Variants in TMEM131 observed in about 807,000 individuals in gnomAD.
The protein encoded by TMEM131 is transmembrane protein 131.
A neutral mutation model predicts 211.6 loss-of-function variants in TMEM131; 66 were observed. The ratio of observed to expected loss-of-function variants is 0.31; its 90% CI spans 0.26 to 0.38. The LOEUF (loss-of-function observed/expected upper bound fraction) is 0.38, where lower values mean the gene tolerates loss of function less well. TMEM131 is among the 10% of genes least tolerant of loss of function. TMEM131 has a pLI of 1.00. For missense variants in TMEM131, 2,036 were observed against 2,299.3 expected (o/e 0.89, Z 2.34); for synonymous variants, 844 against 841.3 (o/e 1.00, Z -0.06).
At chr2:97,954,775 C>T (rs1034823565) in intron 1 of TMEM131, among the ~76,000 whole-genome samples, 39 of 121,854 alleles carry the variant, frequency 3.2e-4, no homozygotes, top group Admixed American at 1.6e-3. Context: ...CATTGCACTT[C>T]AGCCTGGGAG....
At chr2:97,807,081 A>G (rs1452260544) in intron 19 of TMEM131, among the ~76,000 whole-genome samples, 2 of 152,222 alleles carry the variant, frequency 1.3e-5, no homozygotes, top group African/African-American at 4.8e-5. Context: ...TTAAGCTATG[A>G]GTTACATGAA....
intron 13 of TMEM131, 94 bp downstream of exon 13, chr2:97,815,105 G>T: frequency 1.7e-6 from 1 of 596,406 alleles, no homozygotes; most frequent in Non-Finnish European, 2.6e-6. Flanking sequence ...AAGTTTATGT[G>T]AACGTGGCTA....
intron 1 of TMEM131, among the ~76,000 whole-genome samples, chr2:97,941,418 C>T (rs371541498): frequency 3.3e-5 from 5 of 152,174 alleles, no homozygotes; most frequent in Admixed American, 1.3e-4. Flanking sequence ...GCATGGGCAA[C>T]GACTTCATGA....
chr2:97,983,878 A>C (rs1393939123), intron 1 of TMEM131, among the ~76,000 whole-genome samples: 1 of 152,246 alleles, frequency 6.6e-6, no homozygotes, highest in Non-Finnish European at 1.5e-5. Context: ...CTCAAACCAT[A>C]ACTGTGGCAG....
At chr2:97,858,079 A>T (rs534528692) in intron 5 of TMEM131, among the ~76,000 whole-genome samples, 1 of 152,312 alleles carries the variant, frequency 6.6e-6, no homozygotes, top group East Asian at 1.9e-4. Context: ...TTTTAATTTT[A>T]CTCTAAAGTA....
At chr2:97,881,690 T>C (rs557194922) in intron 4 of TMEM131, among the ~76,000 whole-genome samples, 1 of 104,146 alleles carries the variant, frequency 9.6e-6, no homozygotes, top group East Asian at 3.1e-4. Flanking sequence ...GTGCCAGGCC[T>C]AAAGGCTGGA....
chr2:97,811,280 T>C, intron 17 of TMEM131, 48 bp from the exon 18 acceptor site: 2 of 1,446,826 alleles, frequency 1.4e-6, no homozygotes, highest in Non-Finnish European at 1.9e-6. Context: ...TTAGTTGAAG[T>C]TTCCTATTAA....
At position 97,762,258 on chromosome 2, in the gene TMEM131, A is replaced by C. The variant is rs1678893564; in HGVS notation, c.4724-58T>G. The C allele has an allele frequency of 6.5e-6, 10 of 1,536,078 alleles. No homozygotes were observed. The South Asian group carries it at 1.1e-4, about 18-fold the overall frequency. Reference sequence around the variant, plus strand: ...TGGTGTTTTGATTAGCGCTCTTCCAAATCACTTTGAATGTTCTCTAAGACT... The same window carrying C: ...TGGTGTTTTGATTAGCGCTCTTCCACATCACTTTGAATGTTCTCTAAGACT... On this transcript the variant is annotated intron_variant, in intron 35 of 40. Transcript: ENST00000186436.
chr2:97,887,645 T>C (rs1163419145), intron 4 of TMEM131: 1 of 156,116 alleles, frequency 6.4e-6, no homozygotes, highest in Admixed American at 6.4e-5. Context: ...TATGGGTTGG[T>C]GATAATACTA....
intron 3 of TMEM131, among the ~76,000 whole-genome samples, chr2:97,888,635 G>A (rs1675257251): frequency 6.6e-6 from 1 of 152,204 alleles, no homozygotes; most frequent in South Asian, 2.1e-4. Context: ...GATCTCTGAT[G>A]TCCTGGCCTC....
intron 6 of TMEM131, among the ~76,000 whole-genome samples, chr2:97,843,260 A>C (rs1345413143): frequency 6.6e-6 from 1 of 152,116 alleles, no homozygotes; most frequent in East Asian, 1.9e-4. Context: ...TTCAAGAATA[A>C]CTGTACCTAT....
intron 2 of TMEM131, chr2:97,911,501 A>T: frequency 3.7e-6 from 1 of 269,964 alleles, no homozygotes; most frequent in Non-Finnish European, 5.7e-6. Flanking sequence ...CTATGGTCTC[A>T]CATGAAGTCT....
chr2:97,759,576 G>A, intron 39 of TMEM131, 76 bp downstream of exon 39: 1 of 1,281,306 alleles, frequency 7.8e-7, no homozygotes, highest in Non-Finnish European at 1.1e-6. Context: ...GTGTTCTCCA[G>A]CACACAAAAC....
intron 25 of TMEM131, among the ~76,000 whole-genome samples, chr2:97,798,986 A>G (rs1486447950): frequency 1.3e-5 from 2 of 152,224 alleles, no homozygotes; most frequent in Admixed American, 1.3e-4. Context: ...TGCCTCCCGT[A>G]TACCATTCAG....
intron 1 of TMEM131, among the ~76,000 whole-genome samples, chr2:97,943,067 AAGAAAGAAAG>A (rs1677863771): frequency 1.4e-5 from 2 of 138,216 alleles, no homozygotes. Flanking sequence ...GAAAGAAAGA[AAGAAAGAAAG>A]AAAGAAAGAA....
At chr2:97,832,848 G>A (rs1270008283) in intron 11 of TMEM131, among the ~76,000 whole-genome samples, 1 of 152,120 alleles carries the variant, frequency 6.6e-6, no homozygotes, top group Non-Finnish European at 1.5e-5. Flanking sequence ...ATGTGTGAGG[G>A]AGAGAGGGCC....
intron 1 of TMEM131, among the ~76,000 whole-genome samples, chr2:97,985,963 A>G (rs1573655893): frequency 1.3e-5 from 2 of 151,760 alleles, no homozygotes; most frequent in South Asian, 2.1e-4. Flanking sequence ...AAAAAAAGAG[A>G]GTTGCCTGAC....
At chr2:97,953,021 G>A (rs919933890) in intron 1 of TMEM131, among the ~76,000 whole-genome samples, 62 of 152,140 alleles carry the variant, frequency 4.1e-4, no homozygotes, top group Admixed American at 1.0e-3. Context: ...CCAAGCCTAC[G>A]CTTAAAGAAG....
chr2:97,890,004 C>T (rs201712344), intron 3 of TMEM131, among the ~76,000 whole-genome samples: 2 of 152,266 alleles, frequency 1.3e-5, no homozygotes, highest in East Asian at 3.9e-4. Context: ...CTGCCAAGAC[C>T]TGAACGACAG....
Sources: gnomAD v4.1 joint callset for allele counts (sites outside exome capture counted in the v4.1 genomes callset) on GRCh38, gnomAD v4.1.1 for gene constraint, MANE v1.5 for transcripts, NCBI Gene and HGNC (gene_info 2026-07-23, HGNC 2026-07-21) for gene names.